Variants in ANGPTL4 observed in about 807,000 individuals in gnomAD.
ANGPTL4 encodes angiopoietin like 4, also known as angiopoietin-related protein 4.
In ANGPTL4, 39 loss-of-function variants were observed where a neutral mutation model predicts 39.2. The observed-to-expected ratio is 1.00, with a 90% CI of 0.77 to 1.30. ANGPTL4 has a LOEUF of 1.30. Ranked by LOEUF, ANGPTL4 falls within the 50% of genes most tolerant of loss-of-function variation. The pLI is 0.00. For missense variants in ANGPTL4, 545 were observed against 549.8 expected (o/e 0.99, Z 0.09); for synonymous variants, 233 against 229.5 (o/e 1.02, Z -0.14).
At position 8,364,176 on chromosome 19, in the gene ANGPTL4, C is replaced by T. The variant is rs1431904959; in HGVS notation, c.-146C>T. 4 of 869,620 alleles carry T rather than the reference C, an allele frequency of 4.6e-6. No homozygotes were observed. The highest frequency in any genetic ancestry group is 3.4e-6 in the Non-Finnish European group (2 of 583,284). 53.9% of individuals were successfully genotyped at this position (869,620 alleles called of 1,614,324 possible). On this transcript the variant is annotated 5_prime_UTR_variant, in exon 1 of 7. Coordinates refer to ENST00000301455, the MANE Select transcript of ANGPTL4 (RefSeq NM_139314.3). Reference sequence around the variant, plus strand: ...GGGGAGAAGCCGAGCTGAGCGGATCCTCACACGACTGTGATCCGATTCTTT... The same window carrying T: ...GGGGAGAAGCCGAGCTGAGCGGATCTTCACACGACTGTGATCCGATTCTTT...
chr19:8,366,254 G>C lies in ANGPTL4; in HGVS notation c.482G>C (p.Arg161Pro), dbSNP rs780461101. The C allele has an allele frequency of 1.5e-5, 24 of 1,613,972 alleles. No individual in the cohort carries two copies. The South Asian group carries it at 2.6e-4, about 18-fold the overall frequency. The change falls in exon 3 of 7, where the codon CGA (arginine) becomes CCA (proline). Residue 161 changes from arginine (R) to proline (P), a missense_variant. Arg to Pro is a moderately radical substitution (Grantham distance 103). Transcript: ENST00000301455. Reference sequence around the variant, plus strand: ...GACCATGAGGTGGCCAAGCCTGCCCGAAGAAAGAGGCTGCCCGAGATGGCC... The same window carrying C: ...GACCATGAGGTGGCCAAGCCTGCCCCAAGAAAGAGGCTGCCCGAGATGGCC... ...HLDHEVAKPARRKRLPEMAQP... is the reference protein window; with the variant it reads ...HLDHEVAKPAPRKRLPEMAQP...
chr19:8,369,637 A>T (rs532298618), intron 4 of ANGPTL4, among the ~76,000 whole-genome samples: 1 of 151,972 alleles, frequency 6.6e-6, no homozygotes, highest in Non-Finnish European at 1.5e-5. Flanking sequence ...TATTTTTAGT[A>T]GAGACTGGGT....
intron 2 of ANGPTL4, 59 bp downstream of exon 2, chr19:8,366,123 G>A (rs1970999200): frequency 3.7e-6 from 6 of 1,608,654 alleles, no homozygotes; most frequent in African/African-American, 1.3e-5. Context: ...AGGTTGAGAG[G>A]GAGGTGGTGA....
At chr19:8,372,050 G>GC (rs1187073862) in intron 6 of ANGPTL4, among the ~76,000 whole-genome samples, 1 of 139,726 alleles carries the variant, frequency 7.2e-6, no homozygotes, top group Non-Finnish European at 1.5e-5. Context: ...GAGCCACCGC[G>GC]CCCGGCCTAC....
In ANGPTL4 at chr19:8,371,217, A is replaced by G; in HGVS notation, c.758-24A>G. 6.2e-7 allele frequency: 1 copy of G among 1,614,122 alleles called. No homozygotes were observed. The highest frequency in any genetic ancestry group is 8.5e-7 in the Non-Finnish European group (1 of 1,180,022). ...GGACCCTCAGAAGTGGCCCTGCCTC[A>G]TGGAGTGGCCTCTCCCACTCCAGGC... On this transcript the variant is annotated intron_variant, in intron 5 of 6. Transcript: ENST00000301455. This position sits in a 1 kb window ranked among gnomAD's most constrained non-coding sequence, Gnocchi z 5.1.
intron 3 of ANGPTL4, among the ~76,000 whole-genome samples, chr19:8,366,824 C>G (rs1320992968): frequency 6.6e-6 from 1 of 151,980 alleles, no homozygotes; most frequent in East Asian, 1.9e-4. Flanking sequence ...ATCCAATGCT[C>G]CAGGTCCCTG....
intron 3 of ANGPTL4, among the ~76,000 whole-genome samples, chr19:8,367,787 G>C (rs1971035905): frequency 6.6e-6 from 1 of 152,122 alleles, no homozygotes; most frequent in Admixed American, 6.5e-5. Context: ...TCCCGTTCTG[G>C]ACCTGCTGCC....
chr19:8,365,992 C>A lies in ANGPTL4; in HGVS notation c.357C>A (p.Leu119=). Residue 119 remains leucine (L), a synonymous_variant, in exon 2 of 7, where the codon CTC becomes CTA. Coordinates refer to ENST00000301455, the MANE Select transcript of ANGPTL4 (RefSeq NM_139314.3). ...CTCAGAACAGCAGGATCCAGCAACT[C>A]TTCCACAAGGTGGCCCAGCAGCAGC... is the stretch of plus-strand genomic sequence containing the variant. ...LKAQNSRIQQ[L]FHKVAQQQRH... is the part of the protein sequence containing the mutation. The A allele has an allele frequency of 2.5e-6, 4 of 1,614,154 alleles. No homozygotes were observed. In the South Asian group the frequency reaches 4.4e-5, roughly 18 times the overall value.
At chr19:8,373,614 C>T (rs1971169085) in intron 6 of ANGPTL4, 91 bp from the exon 7 acceptor site, 25 of 1,580,546 alleles carry the variant, frequency 1.6e-5, no homozygotes, top group Non-Finnish European at 2.0e-5. Context: ...GGTCCCCAAC[C>T]TGCCTCATCC....
intron 2 of ANGPTL4, 56 bp downstream of exon 2, chr19:8,366,120 G>T: frequency 6.2e-7 from 1 of 1,609,262 alleles, no homozygotes. Flanking sequence ...CCCAGGTTGA[G>T]AGGGAGGTGG....
chr19:8,366,437 G>C, intron 3 of ANGPTL4, 118 bp downstream of exon 3: 1 of 1,144,168 alleles, frequency 8.7e-7, no homozygotes, highest in Non-Finnish European at 1.3e-6. Flanking sequence ...TGGAGTCCCT[G>C]AGGGCTCACC....
At chr19:8,373,643 C>T in intron 6 of ANGPTL4, 62 bp from the exon 7 acceptor site, 1 of 1,611,606 alleles carries the variant, frequency 6.2e-7, no homozygotes, top group Admixed American at 1.7e-5. Flanking sequence ...ATCCCTATCT[C>T]CTTTCAGCCC....
intron 3 of ANGPTL4, 98 bp downstream of exon 3, chr19:8,366,417 T>A (rs1971008126): frequency 7.5e-7 from 1 of 1,332,970 alleles, no homozygotes. Context: ...AAGGAGAAGA[T>A]GTCCTGGCCT....
Position 8,373,857 on chromosome 19 carries a change from C to T in ANGPTL4, c.1192C>T (p.Gln398Ter), listed in dbSNP as rs1212317944. Residue 398 changes from glutamine to a stop codon, truncating the protein, a stop_gained, in exon 7 of 7, where the codon CAG becomes TAG. Coordinates refer to ENST00000301455, the MANE Select transcript of ANGPTL4 (RefSeq NM_139314.3). LOFTEE classifies it high-confidence loss of function. ...GCTGCAGGCCACCACCATGTTGATC[C>T]AGCCCATGGCAGCAGAGGCAGCCTC... ...YPLQATTMLI[Q>*]PMAAEAAS 6.2e-7 allele frequency: 1 copy of T among 1,613,668 alleles called. No individual in the cohort carries two copies. Among genetic ancestry groups the T allele is most frequent in the African/African-American group, 1.3e-5 (1 of 75,066 alleles).
chr19:8,367,585 C>T (rs1971031413), intron 3 of ANGPTL4, among the ~76,000 whole-genome samples: 1 of 152,272 alleles, frequency 6.6e-6, no homozygotes, highest in East Asian at 1.9e-4. Context: ...AGACTCATTT[C>T]GACCTTTCCC....
Position 8,364,790 on chromosome 19 carries a change from G to A in ANGPTL4, c.318+151G>A. On this transcript the variant is annotated intron_variant, in intron 1 of 6. Transcript: ENST00000301455. ...GGATGGGCTCCCCCCTTAGGAAGCC[G>A]AGGAGGGAGGTTCGCTCAAGGCCAG... is the stretch of plus-strand genomic sequence containing the variant. 6 of 1,021,378 alleles carry A rather than the reference G, an allele frequency of 5.9e-6. No homozygotes were observed. In the South Asian group the frequency reaches 8.9e-5, roughly 15 times the overall value. 63.3% of individuals were successfully genotyped at this position (1,021,378 alleles called of 1,614,324 possible).
At chr19:8,368,921 A>T (rs917984362) in intron 3 of ANGPTL4, among the ~76,000 whole-genome samples, 1 of 152,160 alleles carries the variant, frequency 6.6e-6, no homozygotes, top group Admixed American at 6.6e-5. Flanking sequence ...CTGTGGCAGG[A>T]CGGTGTGTGG....
intron 1 of ANGPTL4, among the ~76,000 whole-genome samples, chr19:8,365,403 G>A (rs1198423763): frequency 1.3e-5 from 2 of 152,132 alleles, no homozygotes; most frequent in East Asian, 1.9e-4. Context: ...TCTTGAACCC[G>A]GGAGGCGGAG....
chr19:8,373,033 C>G (rs1204849059), intron 6 of ANGPTL4, among the ~76,000 whole-genome samples: 1 of 152,146 alleles, frequency 6.6e-6, no homozygotes, highest in Non-Finnish European at 1.5e-5. Flanking sequence ...CTTTGGGAGG[C>G]CGAGGTGGGT....
Sources: allele counts gnomAD v4.1 joint callset (sites outside exome capture counted in the v4.1 genomes callset), GRCh38; gene constraint gnomAD v4.1.1; non-coding constraint Gnocchi (gnomAD v3.1); transcripts MANE v1.5; gene names NCBI Gene and HGNC (gene_info 2026-07-23, HGNC 2026-07-21).